Variants in CTNNA3 observed in about 807,000 individuals in gnomAD.
CTNNA3 encodes the protein catenin alpha 3.
A neutral mutation model predicts 95.7 loss-of-function variants in CTNNA3; 76 were observed. The observed-to-expected ratio is 0.79, with a 90% CI of 0.66 to 0.96. The LOEUF (loss-of-function observed/expected upper bound fraction) is 0.96. Among genes scored for constraint, CTNNA3 ranks in the 40% least tolerant of loss-of-function variants. The probability of loss-of-function intolerance (pLI) is 0.00; values close to 1 mark genes in which losing one functional copy is unlikely to be tolerated. For synonymous variants in CTNNA3, 431 were observed against 374.4 expected, an observed-to-expected ratio of 1.15 and a Z score of -1.74; for missense variants, 1,191 against 1,089.8, an observed-to-expected ratio of 1.09 and a Z score of -1.31.
chr10:67,203,875 T>C (rs1210216634), intron 6 of CTNNA3, among the ~76,000 whole-genome samples: 2 of 152,164 alleles, frequency 1.3e-5, no homozygotes, highest in South Asian at 2.1e-4. Flanking sequence ...GATACTGTAA[T>C]ACGGTATTAA....
intron 2 of CTNNA3, among the ~76,000 whole-genome samples, chr10:67,638,487 C>T (rs1839405092): frequency 1.3e-5 from 2 of 152,204 alleles, no homozygotes; most frequent in Non-Finnish European, 2.9e-5. Flanking sequence ...AGGAATTGAA[C>T]TCAGCTCTGC....
intron 13 of CTNNA3, among the ~76,000 whole-genome samples, chr10:66,110,397 C>G (rs2082077778): frequency 6.6e-6 from 1 of 150,972 alleles, no homozygotes; most frequent in Non-Finnish European, 1.5e-5. Flanking sequence ...AATCAATATG[C>G]CTAAGAGATA....
chr10:65,954,173 A>G (rs2077682254), intron 17 of CTNNA3, among the ~76,000 whole-genome samples: 1 of 152,364 alleles, frequency 6.6e-6, no homozygotes, highest in Non-Finnish European at 1.5e-5. Flanking sequence ...TGTTGGCTGC[A>G]TAAATGTCTT....
At chr10:66,478,661 T>G (rs1201369419) in intron 11 of CTNNA3, among the ~76,000 whole-genome samples, 1 of 151,936 alleles carries the variant, frequency 6.6e-6, no homozygotes, top group African/African-American at 2.4e-5. Context: ...ATTACAATTT[T>G]ATTTCAACAA....
At chr10:67,049,984 G>T (rs7901878) in intron 7 of CTNNA3, among the ~76,000 whole-genome samples, 98,258 of 152,050 alleles carry the variant, frequency 0.65, 32,189 homozygotes, top group East Asian at 0.78. Flanking sequence ...ATCTTTAAAT[G>T]TATTATTTAA....
chr10:66,866,743 A>T (rs1844193247), intron 7 of CTNNA3, among the ~76,000 whole-genome samples: 1 of 152,204 alleles, frequency 6.6e-6, no homozygotes, highest in East Asian at 1.9e-4. Flanking sequence ...CATTTATAGC[A>T]AAATTATCCT....
chr10:67,091,226 C>T (rs1857612469), intron 7 of CTNNA3, among the ~76,000 whole-genome samples: 1 of 151,846 alleles, frequency 6.6e-6, no homozygotes, highest in Admixed American at 6.6e-5. Flanking sequence ...ATAAATGAAA[C>T]AGATAGTAGA....
intron 7 of CTNNA3, among the ~76,000 whole-genome samples, chr10:66,810,568 G>A (rs1041592052): frequency 1.3e-5 from 2 of 152,114 alleles, no homozygotes; most frequent in African/African-American, 4.8e-5. Flanking sequence ...TATTGGGTTT[G>A]TGGTTTCCCA....
chr10:66,329,019 C>T (rs1474816802), intron 12 of CTNNA3, among the ~76,000 whole-genome samples: 5 of 149,384 alleles, frequency 3.3e-5, no homozygotes, highest in African/African-American at 7.4e-5. Flanking sequence ...GTCACGATCT[C>T]GGCTCACTGC....
intron 9 of CTNNA3, among the ~76,000 whole-genome samples, chr10:66,708,067 C>T (rs575597688): frequency 6.6e-6 from 1 of 152,188 alleles, no homozygotes; most frequent in African/African-American, 2.4e-5. Context: ...TACAAATAAA[C>T]TTTATAGAAA....
chr10:67,054,393 TGA>T (rs1855297174), intron 7 of CTNNA3, among the ~76,000 whole-genome samples: 1 of 152,162 alleles, frequency 6.6e-6, no homozygotes, highest in Admixed American at 6.5e-5. Context: ...AAGTGACCAA[TGA>T]GGACAGCAGG....
At chr10:66,902,617 A>G (rs1299618372) in intron 7 of CTNNA3, among the ~76,000 whole-genome samples, 3 of 152,180 alleles carry the variant, frequency 2.0e-5, no homozygotes, top group Non-Finnish European at 4.4e-5. Context: ...AAGATCAACA[A>G]AATTGATAGA....
Position 66,186,934 on chromosome 10 carries a change from T to G in CTNNA3, c.1885-83685A>C, listed in dbSNP as rs181152151. On this transcript the variant is annotated intron_variant, in intron 13 of 17. Transcript: ENST00000433211. ...TAGAAAAATAATCGCTGAATCTTGG[T>G]AAAACATGAAGTTTTGTGATGTTTT... Among the ~76,000 whole-genome samples, 33 of 152,316 alleles carry G rather than the reference T, an allele frequency of 2.2e-4. No individual in the cohort carries two copies. The East Asian group carries it at 4.4e-3, about 20-fold the overall frequency.
intron 12 of CTNNA3, among the ~76,000 whole-genome samples, chr10:66,359,025 T>G (rs1425805576): frequency 6.6e-6 from 1 of 152,224 alleles, no homozygotes; most frequent in Admixed American, 6.5e-5. Flanking sequence ...CTGAAAGATT[T>G]GAATCATGCT....
chr10:66,911,405 A>G, intron 7 of CTNNA3, among the ~76,000 whole-genome samples: 1 of 152,226 alleles, frequency 6.6e-6, no homozygotes, highest in Non-Finnish European at 1.5e-5. Flanking sequence ...AACTTAGAGA[A>G]TAATTGAAGA....
chr10:66,072,907 G>T (rs2080471052), intron 14 of CTNNA3, among the ~76,000 whole-genome samples: 1 of 152,052 alleles, frequency 6.6e-6, no homozygotes, highest in Non-Finnish European at 1.5e-5. Flanking sequence ...GTTCTGAAGT[G>T]TATATACCTT....
At chr10:66,060,579 A>G (rs977818028) in intron 15 of CTNNA3, among the ~76,000 whole-genome samples, 1 of 152,128 alleles carries the variant, frequency 6.6e-6, no homozygotes, top group African/African-American at 2.4e-5. Context: ...GTCAGAGTTC[A>G]AACCAGCAAC....
At position 66,403,989 on chromosome 10, in the gene CTNNA3, C is replaced by T. The variant is rs561798491; in HGVS notation, c.1532-24637G>A. ...AAGATAGATGTAATTTCTAAAATCG[C>T]TTACTGATCAGGAGTTATGTGGTCA... On this transcript the variant is annotated intron_variant, in intron 11 of 17. Coordinates refer to ENST00000433211, the MANE Select transcript of CTNNA3 (RefSeq NM_013266.4). Among the ~76,000 whole-genome samples the T allele has an allele frequency of 2.6e-5, 4 of 152,276 alleles. No individual in the cohort carries two copies. In the East Asian group the frequency reaches 7.7e-4, roughly 29 times the overall value.
At chr10:66,295,512 A>G (rs1459521132) in intron 12 of CTNNA3, among the ~76,000 whole-genome samples, 1 of 152,192 alleles carries the variant, frequency 6.6e-6, no homozygotes, top group Non-Finnish European at 1.5e-5. Flanking sequence ...AGGTGATTGC[A>G]CATGTAGGGG....
Sources: allele counts gnomAD v4.1 joint callset (sites outside exome capture counted in the v4.1 genomes callset), GRCh38; gene constraint gnomAD v4.1.1; transcripts MANE v1.5; gene names NCBI Gene and HGNC (gene_info 2026-07-23, HGNC 2026-07-21).